PPID: variants seen among roughly 807,000 people sequenced by gnomAD.
The protein encoded by PPID is peptidyl-prolyl cis-trans isomerase D.
In PPID, 47 loss-of-function variants were observed where a neutral mutation model predicts 48.1. That is an observed-to-expected ratio of 0.98 (90% CI 0.77 to 1.25). The LOEUF is 1.25. Among genes scored for constraint, PPID ranks in the 50% most tolerant of loss-of-function variants. The probability of loss-of-function intolerance (pLI) is 0.00; values close to 1 mark genes in which losing one functional copy is unlikely to be tolerated. For missense variants in PPID, 429 were observed against 443.5 expected (o/e 0.97, Z 0.29); for synonymous variants, 163 against 148.8 (o/e 1.10, Z -0.69).
At chr4:158,711,148 A>G (rs1281888823) in intron 7 of PPID, among the ~76,000 whole-genome samples, 1 of 152,228 alleles carries the variant, frequency 6.6e-6, no homozygotes, top group Non-Finnish European at 1.5e-5. Flanking sequence ...AAACATTTGT[A>G]TACACTTTTT....
chr4:158,715,461 A>G (rs961648949), intron 5 of PPID, 58 bp from the exon 6 acceptor site: 1 of 1,522,622 alleles, frequency 6.6e-7, no homozygotes, highest in African/African-American at 1.4e-5. Flanking sequence ...TTAATGCTAG[A>G]TTCTATCATA....
intron 6 of PPID, among the ~76,000 whole-genome samples, chr4:158,714,659 C>T (rs17843935): frequency 0.01 from 1,555 of 151,384 alleles, 22 homozygotes; most frequent in African/African-American, 0.036. Flanking sequence ...GGCATAATCT[C>T]GGCTTGCTGC....
chr4:158,718,981 A>G (rs1400515093), intron 3 of PPID, among the ~76,000 whole-genome samples, 199 bp downstream of exon 3: 1 of 152,254 alleles, frequency 6.6e-6, no homozygotes, highest in Non-Finnish European at 1.5e-5. Flanking sequence ...CTGGATCACA[A>G]TGAAATAATG....
At chr4:158,721,809 G>A (rs555346723) in intron 1 of PPID, among the ~76,000 whole-genome samples, 13 of 152,244 alleles carry the variant, frequency 8.5e-5, no homozygotes, top group Middle Eastern at 3.4e-3. Context: ...GTGAGATCAT[G>A]CCTTGTCTTC....
At chr4:158,710,736 A>T (rs1333764636) in intron 8 of PPID, 26 bp downstream of exon 8, 1 of 1,611,080 alleles carries the variant, frequency 6.2e-7, no homozygotes, top group Non-Finnish European at 8.5e-7. Flanking sequence ...TATTTTAAAA[A>T]ATTAAACATT....
intron 2 of PPID, 125 bp from the exon 3 acceptor site, chr4:158,719,411 T>C: frequency 3.0e-6 from 2 of 668,008 alleles, no homozygotes; most frequent in East Asian, 2.9e-5. Context: ...CTCCTGTTTG[T>C]CGCTCCCCAC....
chr4:158,722,413 T>C (rs1774977433), intron 1 of PPID, among the ~76,000 whole-genome samples: 1 of 152,200 alleles, frequency 6.6e-6, no homozygotes, highest in Non-Finnish European at 1.5e-5. Flanking sequence ...GCTGTAAAAA[T>C]TCCTCCTCTA....
intron 3 of PPID, 73 bp downstream of exon 3, chr4:158,719,107 T>C: frequency 1.0e-6 from 1 of 993,150 alleles, no homozygotes; most frequent in Non-Finnish European, 1.5e-6. Context: ...TTTTTTGGTG[T>C]CTTAATCCAA....
intron 2 of PPID, 75 bp from the exon 3 acceptor site, chr4:158,719,361 G>T: frequency 1.1e-6 from 1 of 948,882 alleles, no homozygotes; most frequent in Non-Finnish European, 1.7e-6. Flanking sequence ...GGATACGTAC[G>T]TAAGACAACT....
chr4:158,716,736 G>T (rs1490306002), intron 4 of PPID, among the ~76,000 whole-genome samples: 1 of 152,092 alleles, frequency 6.6e-6, no homozygotes, highest in Non-Finnish European at 1.5e-5. Context: ...GAGGTGGGCG[G>T]ATCACAAGGT....
At position 158,709,909 on chromosome 4, in the gene PPID, C is replaced by T. The variant is rs575604452; in HGVS notation, c.1025-85G>A. 19 of 1,127,732 alleles carry T rather than the reference C, an allele frequency of 1.7e-5. No homozygotes were observed. The African/African-American group carries it at 2.5e-4, about 15-fold the overall frequency. 69.9% of individuals were successfully genotyped at this position (1,127,732 alleles called of 1,614,324 possible). The stretch of plus-strand genomic sequence containing the variant: ...TAACAAACTATTTTAATGTTAACTA[C>T]CCCTTGAAAAAACTTCTCTACAAAG... On this transcript the variant is annotated intron_variant, in intron 9 of 9. Transcript: ENST00000307720.
At chr4:158,718,931 G>C (rs113886791) in intron 3 of PPID, among the ~76,000 whole-genome samples, 1 of 152,172 alleles carries the variant, frequency 6.6e-6, no homozygotes, top group African/African-American at 2.4e-5. Context: ...GATGCTGGTC[G>C]CATTTAAAAA....
intron 2 of PPID, among the ~76,000 whole-genome samples, chr4:158,720,302 T>C (rs756368323): frequency 7.9e-5 from 12 of 152,260 alleles, no homozygotes; most frequent in South Asian, 2.1e-4. Flanking sequence ...TTTCTGCATA[T>C]AGTTTATTAG....
intron 9 of PPID, chr4:158,710,056 TAG>T: frequency 5.8e-6 from 3 of 513,402 alleles, no homozygotes; most frequent in Non-Finnish European, 1.0e-5. Context: ...GCCTCTACAT[TAG>T]AGAACAGTAA....
In PPID at chr4:158,721,336, C is replaced by T. The variant is rs753704667; in HGVS notation, c.226+7G>A. On this transcript the variant is annotated splice_region_variant and intron_variant, in intron 2 of 9. Transcript: ENST00000307720. ...AGAATAACAAGATTAAGAAAATTTA[C>T]ACATACTTCGATGAAAAGGGCATCC... The T allele has an allele frequency of 6.2e-7, 1 of 1,613,172 alleles. No individual in the cohort carries two copies. Among genetic ancestry groups the T allele is most frequent in the Non-Finnish European group, 8.5e-7 (1 of 1,179,510 alleles).
At chr4:158,721,762 T>C (rs539681210) in intron 1 of PPID, among the ~76,000 whole-genome samples, 2 of 152,226 alleles carry the variant, frequency 1.3e-5, no homozygotes, top group Non-Finnish European at 2.9e-5. Context: ...CATTCCATTC[T>C]CTACTTCAAG....
chr4:158,723,194 C>G lies in PPID; in HGVS notation c.85+10G>C, dbSNP rs2126343817. The stretch of plus-strand genomic sequence containing the variant: ...TCGGGGCTTTTCCGCGAGCGTCAGA[C>G]TCCGCTCACCTCGCTCCCCTCCGAT... On this transcript the variant is annotated intron_variant, in intron 1 of 9. Coordinates refer to ENST00000307720, the MANE Select transcript of PPID (RefSeq NM_005038.3). 2 of 1,611,622 alleles carry G rather than the reference C, an allele frequency of 1.2e-6. No individual in the cohort carries two copies. The highest frequency in any genetic ancestry group is 4.5e-5 in the East Asian group (2 of 44,852).
intron 2 of PPID, 42 bp from the exon 3 acceptor site, chr4:158,719,328 T>A (rs746480848): frequency 1.5e-6 from 2 of 1,311,042 alleles, no homozygotes; most frequent in Admixed American, 3.4e-5. Flanking sequence ...GAGACATGGA[T>A]GCCTTTAGCA....
chr4:158,721,895 A>AT (rs1317130348), intron 1 of PPID, among the ~76,000 whole-genome samples: 1 of 152,136 alleles, frequency 6.6e-6, no homozygotes, highest in African/African-American at 2.4e-5. Context: ...AGATTTCATT[A>AT]TTTTTTATGG....
Sources: gnomAD v4.1 joint callset for allele counts (sites outside exome capture counted in the v4.1 genomes callset) on GRCh38, gnomAD v4.1.1 for gene constraint, MANE v1.5 for transcripts, NCBI Gene and HGNC (gene_info 2026-07-23, HGNC 2026-07-21) for gene names.